Variants in NEK11 observed in about 807,000 individuals in gnomAD.
The protein encoded by NEK11 is serine/threonine-protein kinase Nek11.
In NEK11, 72 loss-of-function variants were observed where a neutral mutation model predicts 80.7. The ratio of observed to expected loss-of-function variants is 0.89; its 90% CI spans 0.74 to 1.08. NEK11 has a LOEUF of 1.08. Among genes scored for constraint, NEK11 ranks in the 50% least tolerant of loss-of-function variants. The pLI, the probability that NEK11 is intolerant of heterozygous loss-of-function variation, is 0.00. For synonymous variants in NEK11, 251 were observed against 260.7 expected (o/e 0.96, Z 0.36); for missense variants, 764 against 763.6 (o/e 1.00, Z -0.01).
chr3:131,275,824 A>G (rs1035782085), intron 17 of NEK11, among the ~76,000 whole-genome samples: 9 of 152,258 alleles, frequency 5.9e-5, no homozygotes, highest in African/African-American at 2.2e-4. Flanking sequence ...AAGAATAGTT[A>G]ATGACATTTG....
intron 4 of NEK11, among the ~76,000 whole-genome samples, chr3:131,102,610 T>C (rs1242083330): frequency 1.3e-5 from 2 of 152,244 alleles, no homozygotes; most frequent in African/African-American, 4.8e-5. Flanking sequence ...TAAGATTTTT[T>C]CTTTTACCTT....
At chr3:131,128,121 C>T (rs886469432) in intron 5 of NEK11, among the ~76,000 whole-genome samples, 2 of 152,166 alleles carry the variant, frequency 1.3e-5, no homozygotes, top group Non-Finnish European at 2.9e-5. Flanking sequence ...AGCATTGCTA[C>T]CAGTCATACA....
At chr3:131,115,821 C>G (rs1046622524) in intron 5 of NEK11, among the ~76,000 whole-genome samples, 3 of 152,128 alleles carry the variant, frequency 2.0e-5, no homozygotes, top group African/African-American at 7.2e-5. Flanking sequence ...GCTTCCTCAT[C>G]ACCTCACTGC....
At chr3:131,236,884 A>C (rs1401248009) in intron 15 of NEK11, among the ~76,000 whole-genome samples, 1 of 152,208 alleles carries the variant, frequency 6.6e-6, no homozygotes, top group Non-Finnish European at 1.5e-5. Context: ...CTTGGCTTCT[A>C]ATGAGTTCAA....
chr3:131,264,261 G>A (rs1228086662), intron 16 of NEK11, among the ~76,000 whole-genome samples: 1 of 152,134 alleles, frequency 6.6e-6, no homozygotes, highest in Non-Finnish European at 1.5e-5. Context: ...CATTGCTTTT[G>A]GTGTTTTAGT....
rs147028384 is a variant in NEK11, at chr3:131,350,444, C to A, written c.*668C>A. The A allele has an allele frequency of 2.0e-5, 3 of 152,344 alleles. No individual in the cohort carries two copies. Among genetic ancestry groups the A allele is most frequent in the African/African-American group, 7.2e-5 (3 of 41,562 alleles). The allele number at this position is 152,344 out of a possible 1,614,324, so 9.4% of individuals were successfully genotyped here. Reference sequence around the variant, plus strand: ...TAGTTTTCACAGTTACAAAATAAATCACCTATTTTATCTTTTCCTTATGTA... The same window carrying A: ...TAGTTTTCACAGTTACAAAATAAATAACCTATTTTATCTTTTCCTTATGTA... On this transcript the variant is annotated 3_prime_UTR_variant, in exon 18 of 18. Transcript: ENST00000383366.
At chr3:131,340,547 T>C (rs1236453300) in intron 17 of NEK11, among the ~76,000 whole-genome samples, 2 of 152,002 alleles carry the variant, frequency 1.3e-5, no homozygotes, top group African/African-American at 2.4e-5. Flanking sequence ...GGATGAGAGA[T>C]TGAGTTTGGA....
intron 14 of NEK11, chr3:131,175,153 A>G (rs1442451929): frequency 3.1e-6 from 3 of 965,670 alleles, no homozygotes; most frequent in Non-Finnish European, 3.7e-6. Flanking sequence ...TTATGTTTTT[A>G]TTGTTTTAAT....
At chr3:131,335,541 C>T (rs1475683582) in intron 17 of NEK11, among the ~76,000 whole-genome samples, 3 of 152,138 alleles carry the variant, frequency 2.0e-5, no homozygotes, top group African/African-American at 7.2e-5. Context: ...GGAAGCATTC[C>T]CTTTGAAAAC....
intron 3 of NEK11, among the ~76,000 whole-genome samples, chr3:131,042,400 A>G (rs2066650853): frequency 6.6e-6 from 1 of 152,118 alleles, no homozygotes. Flanking sequence ...TCTGAGGTCG[A>G]CCTGGGATGC....
At chr3:131,134,253 C>T (rs1402529800) in intron 7 of NEK11, 2 of 221,942 alleles carry the variant, frequency 9.0e-6, no homozygotes, top group African/African-American at 2.3e-5. Context: ...TTCTGTTAAC[C>T]TATTAAATAA....
chr3:131,152,652 A>G lies in NEK11; in HGVS notation c.819A>G (p.Ser273=). The change falls in exon 9 of 18, where the codon TCA becomes TCG. Residue 273 remains serine (S), a synonymous_variant. Transcript: ENST00000383366. The part of the protein sequence containing the change: ...IMESMLNKNP[S]LRPSAIEILK... ...ACAGCATGTTGAACAAGAATCCTTC[A>G]TTAAGACCATCTGCTATCGAAATTT... 8 of 1,613,868 alleles carry G rather than the reference A, an allele frequency of 5.0e-6. No individual in the cohort carries two copies. The highest frequency in any genetic ancestry group is 6.8e-6 in the Non-Finnish European group (8 of 1,179,874).
chr3:131,110,722 A>G (rs1016578088), intron 5 of NEK11, among the ~76,000 whole-genome samples: 1 of 152,162 alleles, frequency 6.6e-6, no homozygotes, highest in Non-Finnish European at 1.5e-5. Context: ...GAAAGGGGGT[A>G]ATTTATAAAG....
intron 4 of NEK11, among the ~76,000 whole-genome samples, chr3:131,089,466 T>C (rs2076431329): frequency 6.6e-6 from 1 of 152,086 alleles, no homozygotes; most frequent in Admixed American, 6.5e-5. Context: ...TGCGATGGAG[T>C]CTTGCTCTAT....
chr3:131,250,975 A>AT (rs1165685412), intron 16 of NEK11, among the ~76,000 whole-genome samples: 3 of 151,932 alleles, frequency 2.0e-5, no homozygotes, highest in Non-Finnish European at 4.4e-5. Flanking sequence ...AGTCATAATA[A>AT]TTTTTTTTAA....
intron 5 of NEK11, among the ~76,000 whole-genome samples, chr3:131,115,775 G>C (rs1423684064): frequency 1.3e-5 from 2 of 152,100 alleles, no homozygotes; most frequent in Non-Finnish European, 2.9e-5. Flanking sequence ...TTTCCAAGTA[G>C]AGGAGAGAAC....
At position 131,349,662 on chromosome 3, in the gene NEK11, G is replaced by C. The variant is rs748872247; in HGVS notation, c.1824G>C (p.Leu608Phe). The change falls in exon 18 of 18, where the codon TTG (leucine) becomes TTC (phenylalanine). Residue 608 changes from leucine to phenylalanine, a missense_variant. Leu to Phe is a conservative substitution (Grantham distance 22). Coordinates refer to ENST00000383366, the MANE Select transcript of NEK11 (RefSeq NM_024800.5). ...NASEAEIREC[L>F]EKVVPQASDC... ...GCGAAGCAGAGATCCGCGAGTGTTT[G>C]GAAAAAGTGGTGCCTCAAGCCAGCG... is the stretch of plus-strand genomic sequence containing the variant. 1.5e-5 allele frequency: 25 copies of C among 1,614,144 alleles called. No individual in the cohort carries two copies. The South Asian group carries it at 2.6e-4, about 17-fold the overall frequency.
In NEK11 at chr3:131,165,447, T is replaced by C. The variant is rs768667754; in HGVS notation, c.1104T>C (p.Tyr368=). 3 of 1,611,074 alleles carry C rather than the reference T, an allele frequency of 1.9e-6. No homozygotes were observed. The highest frequency in any genetic ancestry group is 2.5e-6 in the Non-Finnish European group (3 of 1,177,312). The change falls in exon 12 of 18, where the codon TAT becomes TAC. Residue 368 remains tyrosine (Y), a synonymous_variant. Coordinates refer to ENST00000383366, the MANE Select transcript of NEK11 (RefSeq NM_024800.5). The part of the protein sequence containing the change: ...RKLKKIVEEK[Y]EENSKRMQEL... ...ACAGAAAGATTGTGGAAGAAAAATA[T>C]GAAGAAAATAGCAAACGAATGCAAG...
intron 17 of NEK11, among the ~76,000 whole-genome samples, chr3:131,347,332 G>A (rs2097378037): frequency 6.6e-6 from 1 of 152,206 alleles, no homozygotes; most frequent in Non-Finnish European, 1.5e-5. Context: ...AGGAGCATTT[G>A]AAATAATGAA....
Sources: gnomAD v4.1 joint callset for allele counts (sites outside exome capture counted in the v4.1 genomes callset) on GRCh38, gnomAD v4.1.1 for gene constraint, MANE v1.5 for transcripts, NCBI Gene and HGNC (gene_info 2026-07-23, HGNC 2026-07-21) for gene names.